The following AFM variants were observed in gnomAD, a reference collection of about 807,000 sequenced individuals.
The protein encoded by AFM is afamin.
Under a neutral mutation model 68.7 loss-of-function variants are expected in AFM, and 82 were observed. That is an observed-to-expected ratio of 1.19 (90% confidence interval 1.00 to 1.43). AFM has a LOEUF of 1.43. Ranked by LOEUF, AFM falls within the 40% of genes most tolerant of loss-of-function variation. The pLI, the probability that AFM is intolerant of heterozygous loss-of-function variation, is 0.00. For missense variants in AFM, 772 were observed against 701.8 expected (o/e 1.10, Z -1.13); for synonymous variants, 250 against 234.2 (o/e 1.07, Z -0.61).
intron 7 of AFM, among the ~76,000 whole-genome samples, chr4:73,490,622 T>G (rs1577975914): frequency 6.6e-6 from 1 of 152,086 alleles, no homozygotes; most frequent in Admixed American, 6.6e-5. Flanking sequence ...GGGGTTTCAC[T>G]GTATTAGCCA....
rs747530251 is a variant in AFM at position 73,499,155 on chromosome 4, CT to C, written c.1332del (p.Glu445LysfsTer11). 28 of 1,613,370 alleles carry C rather than the reference CT, an allele frequency of 1.7e-5. No homozygotes were observed. In the Middle Eastern group the frequency reaches 4.9e-4, roughly 28 times the overall value. ...ACGAAGATAGCTCCCCAACTCTCCA[CT>C]GAAGAACTGGTGTCTCTTGGCGAGA... ...RLTKIAPQLS[T>X]EELVSLGEKM... On this transcript the variant is annotated frameshift_variant, in exon 11 of 15. Coordinates refer to ENST00000226355, the MANE Select transcript of AFM (RefSeq NM_001133.2). LOFTEE classifies it high-confidence loss of function.
intron 3 of AFM, 44 bp downstream of exon 3, chr4:73,484,434 TTCTTTC>T (rs760759399): frequency 2.2e-5 from 28 of 1,285,766 alleles, no homozygotes; most frequent in East Asian, 1.1e-4. Context: ...TCTTATGTCT[TTCTTTC>T]TCTTTCTTTC....
intron 11 of AFM, 150 bp from the exon 12 acceptor site, chr4:73,499,854 T>C: frequency 1.6e-6 from 1 of 612,190 alleles, no homozygotes; most frequent in Admixed American, 3.3e-5. Context: ...CTAGTTTTAC[T>C]TGTATATAGG....
chr4:73,482,883 A>G (rs931492817), intron 1 of AFM, among the ~76,000 whole-genome samples: 1 of 152,148 alleles, frequency 6.6e-6, no homozygotes, highest in South Asian at 2.1e-4. Flanking sequence ...TTCTTAGTGT[A>G]TAGAAATGAT....
At chr4:73,499,692 C>T (rs1721371346) in intron 11 of AFM, among the ~76,000 whole-genome samples, 1 of 152,202 alleles carries the variant, frequency 6.6e-6, no homozygotes. Flanking sequence ...AACCCCTGTA[C>T]CACAGTGTTT....
intron 12 of AFM, among the ~76,000 whole-genome samples, chr4:73,500,628 C>A (rs957739586): frequency 1.4e-4 from 21 of 152,082 alleles, no homozygotes; most frequent in Admixed American, 5.2e-4. Context: ...CTTTAAAATG[C>A]CAGGAAATTA....
In AFM at chr4:73,484,503, T is replaced by A. The variant is rs28706738; in HGVS notation, c.270+113T>A. The A allele has an allele frequency of 1.8e-4, 117 of 651,376 alleles. No homozygotes were observed. The East Asian group carries it at 3.7e-3, about 21-fold the overall frequency. The allele number at this position is 651,376 out of a possible 1,614,324, so 40.3% of individuals were successfully genotyped here. On this transcript the variant is annotated intron_variant, in intron 3 of 14. Coordinates refer to ENST00000226355, the MANE Select transcript of AFM (RefSeq NM_001133.2). ...CTTTCTTTCTTTCTTTCTTTCTTTC[T>A]TTCATTCTTTCTTTCTTCTTTCTTT...
rs1370490889 is a variant in AFM at position 73,488,644 on chromosome 4, T to A, written c.728T>A (p.Leu243His). The A allele has an allele frequency of 6.2e-7, 1 of 1,610,624 alleles. No individual in the cohort carries two copies. Among genetic ancestry groups the A allele is most frequent in the African/African-American group, 1.3e-5 (1 of 74,824 alleles). The change falls in exon 7 of 15, where the codon CTC (leucine) becomes CAC (histidine). Residue 243 changes from leucine (L) to histidine (H), a missense_variant. Transcript: ENST00000226355. The part of the protein sequence containing the change: ...KVVHFIYIAI[L>H]SQKFPKIEFK... The stretch of plus-strand genomic sequence containing the variant: ...TCTCTTTCCAGATATATTGCGATAC[T>A]CAGTCAAAAATTCCCCAAGATTGAA...
intron 1 of AFM, among the ~76,000 whole-genome samples, chr4:73,483,434 A>G (rs762361371): frequency 6.6e-6 from 1 of 152,244 alleles, no homozygotes; most frequent in Non-Finnish European, 1.5e-5. Context: ...AATATGCTCC[A>G]ATTAGTGTAT....
rs531634253 is a variant in AFM, at chr4:73,481,854, C to T, written c.79C>T (p.Arg27Trp). 15 of 1,597,330 alleles carry T rather than the reference C, an allele frequency of 9.4e-6. No homozygotes were observed. Among genetic ancestry groups the T allele is most frequent in the East Asian group, 4.5e-5 (2 of 44,604 alleles). ...TESLTLPTQPRDIENFNSTQK... is the reference protein window; with the variant it reads ...TESLTLPTQPWDIENFNSTQK... ...ATCCCTAACCCTGCCCACACAACCT[C>T]GGGATATAGGTAAGAAATTTACTTG... is the stretch of plus-strand genomic sequence containing the variant. Residue 27 changes from arginine to tryptophan, a missense_variant, in exon 1 of 15, where the codon CGG becomes TGG. Coordinates refer to ENST00000226355, the MANE Select transcript of AFM (RefSeq NM_001133.2).
chr4:73,496,662 C>T lies in AFM; in HGVS notation c.1192-990C>T, dbSNP rs1336893617. Among the ~76,000 whole-genome samples the T allele has an allele frequency of 2.0e-5, 3 of 151,956 alleles. No individual in the cohort carries two copies. The South Asian group carries it at 6.2e-4, about 32-fold the overall frequency. On this transcript the variant is annotated intron_variant, in intron 9 of 14. Transcript: ENST00000226355. ...AACAGTGTTTGTGTTTTTAAAACAC[C>T]TTTATTTGATTTTTAAATTGTTAAA...
intron 5 of AFM, 58 bp from the exon 6 acceptor site, chr4:73,487,666 A>C (rs6851809): frequency 1.7e-6 from 2 of 1,184,140 alleles, no homozygotes; most frequent in Admixed American, 4.2e-5. Flanking sequence ...TGACTAAAAA[A>C]TAAGAGAATA....
At chr4:73,502,758 GT>G (rs1383278462) in intron 13 of AFM, among the ~76,000 whole-genome samples, 2 of 152,072 alleles carry the variant, frequency 1.3e-5, no homozygotes, top group Admixed American at 1.3e-4. Flanking sequence ...CATATTACTA[GT>G]TTTTAAAAAA....
intron 10 of AFM, 126 bp downstream of exon 10, chr4:73,497,875 T>G (rs1004715991): frequency 1.2e-5 from 6 of 515,902 alleles, no homozygotes; most frequent in Admixed American, 4.0e-5. Flanking sequence ...TGGAAGAATT[T>G]TTTTTTAAAG....
chr4:73,489,218 C>A (rs1721000186), intron 7 of AFM, among the ~76,000 whole-genome samples: 1 of 152,080 alleles, frequency 6.6e-6, no homozygotes, highest in Non-Finnish European at 1.5e-5. Context: ...TTTAACTTTT[C>A]TTTTCCCTTT....
Sources: allele counts gnomAD v4.1 joint callset (sites outside exome capture counted in the v4.1 genomes callset), GRCh38; gene constraint gnomAD v4.1.1; transcripts MANE v1.5; gene names NCBI Gene and HGNC (gene_info 2026-07-23, HGNC 2026-07-21).